The following RASSF8 variants were observed in gnomAD, a reference collection of about 807,000 sequenced individuals.
RASSF8 encodes ras association domain-containing protein 8.
RASSF8 carries 22 observed loss-of-function variants against 48.5 expected under a neutral mutation model. The observed-to-expected ratio is 0.45, with a 90% CI of 0.32 to 0.65. The LOEUF is 0.65. RASSF8 is among the 30% of genes least tolerant of loss of function. RASSF8 has a pLI of 0.03. For synonymous variants in RASSF8, 127 were observed against 171.5 expected, an observed-to-expected ratio of 0.74 and a Z score of 2.03; for missense variants, 418 against 489.2, an observed-to-expected ratio of 0.85 and a Z score of 1.37.
chr12:26,029,557 C>G (rs1031808991), intron 2 of RASSF8, among the ~76,000 whole-genome samples: 1 of 152,058 alleles, frequency 6.6e-6, no homozygotes, highest in Non-Finnish European at 1.5e-5. Flanking sequence ...CTTCTGCCAC[C>G]GTGTTTAAAT....
chr12:26,041,093 C>G (rs921244876), intron 2 of RASSF8, among the ~76,000 whole-genome samples: 2 of 151,656 alleles, frequency 1.3e-5, no homozygotes, highest in African/African-American at 4.8e-5. Context: ...GGGGTTTCAC[C>G]TTGTTAGCCA....
intron 1 of RASSF8, among the ~76,000 whole-genome samples, chr12:25,981,114 T>A (rs577298759): frequency 1.3e-5 from 2 of 152,158 alleles, no homozygotes; most frequent in Admixed American, 6.5e-5. Context: ...TCTGGCATAA[T>A]AACAGGACCT....
rs760896840 is a variant in RASSF8 at position 26,056,055 on chromosome 12, C to T, written c.103+609C>T. Among the ~76,000 whole-genome samples, 10 of 152,090 alleles carry T rather than the reference C, an allele frequency of 6.6e-5. No homozygotes were observed. The South Asian group carries it at 1.0e-3, about 16-fold the overall frequency. ...CAAAAATTAGCCGGGCGTGGTGGTG[C>T]GCACCTGTAATCCCAGCTACTATGG... On this transcript the variant is annotated intron_variant, in intron 3 of 5. Coordinates refer to ENST00000689635, the MANE Select transcript of RASSF8 (RefSeq NM_001394098.1).
chr12:26,073,060 C>T (rs951261821), downstream of RASSF8, among the ~76,000 whole-genome samples: 3 of 152,158 alleles, frequency 2.0e-5, no homozygotes, highest in Non-Finnish European at 4.4e-5. Context: ...AACTACTATG[C>T]CTTTTATTTC....
At chr12:26,026,750 T>A (rs1277075047) in intron 2 of RASSF8, among the ~76,000 whole-genome samples, 2 of 152,010 alleles carry the variant, frequency 1.3e-5, no homozygotes, top group African/African-American at 4.8e-5. Flanking sequence ...TAATAAGGAG[T>A]GTGAGTGAGA....
intron 1 of RASSF8, among the ~76,000 whole-genome samples, chr12:25,960,214 T>G (rs1223299945): frequency 1.3e-5 from 2 of 152,230 alleles, no homozygotes; most frequent in Non-Finnish European, 2.9e-5. Flanking sequence ...CTCATTCTGG[T>G]AGGGGGCCCC....
chr12:26,035,646 A>G (rs1031958649), intron 2 of RASSF8, among the ~76,000 whole-genome samples: 4 of 144,304 alleles, frequency 2.8e-5, no homozygotes, highest in Middle Eastern at 3.6e-3. Context: ...TCACCTTTTC[A>G]GTATTTTCTG....
intron 2 of RASSF8, among the ~76,000 whole-genome samples, chr12:26,050,233 T>A (rs953472871): frequency 6.6e-6 from 1 of 152,254 alleles, no homozygotes; most frequent in Non-Finnish European, 1.5e-5. Flanking sequence ...GTGCTGCTGC[T>A]CTAGGTATGT....
intron 2 of RASSF8, among the ~76,000 whole-genome samples, chr12:25,997,595 G>A (rs1012663659): frequency 6.6e-6 from 1 of 152,094 alleles, no homozygotes; most frequent in African/African-American, 2.4e-5. Context: ...CTTGTAACGA[G>A]GTGTTTATTG....
chr12:26,077,774 C>G (rs1023670378), downstream of RASSF8, among the ~76,000 whole-genome samples: 5 of 152,170 alleles, frequency 3.3e-5, no homozygotes, highest in Non-Finnish European at 7.3e-5. Context: ...GGAACTTCAT[C>G]TTACTGAATC....
intron 5 of RASSF8, among the ~76,000 whole-genome samples, chr12:26,078,485 A>G (rs1049153928): frequency 2.0e-5 from 3 of 152,216 alleles, no homozygotes; most frequent in African/African-American, 7.2e-5. Flanking sequence ...GTTTGTAAGC[A>G]ACAGATTTGG....
chr12:26,047,943 A>G (rs761482873), intron 2 of RASSF8, among the ~76,000 whole-genome samples: 4 of 152,172 alleles, frequency 2.6e-5, no homozygotes, highest in Non-Finnish European at 4.4e-5. Flanking sequence ...GTAGCATTCT[A>G]TTTTGGGTAA....
chr12:26,060,838 C>G (rs1049593755), intron 3 of RASSF8, among the ~76,000 whole-genome samples: 1 of 152,172 alleles, frequency 6.6e-6, no homozygotes, highest in Non-Finnish European at 1.5e-5. Context: ...GTGTTACTGA[C>G]ATTATTTCTC....
intron 2 of RASSF8, among the ~76,000 whole-genome samples, chr12:26,043,034 A>G (rs1340189604): frequency 6.6e-6 from 1 of 152,138 alleles, no homozygotes; most frequent in Non-Finnish European, 1.5e-5. Flanking sequence ...TCCGTCCTGT[A>G]CAATTAGTGC....
chr12:26,074,972 GA>G (rs1944059493), downstream of RASSF8, among the ~76,000 whole-genome samples: 1 of 152,156 alleles, frequency 6.6e-6, no homozygotes, highest in African/African-American at 2.4e-5. Context: ...AGCATGTTAG[GA>G]AGATAATTCT....
chr12:25,984,273 C>A (rs1054138824), intron 1 of RASSF8, among the ~76,000 whole-genome samples: 1 of 110,172 alleles, frequency 9.1e-6, no homozygotes, highest in Non-Finnish European at 1.7e-5. Context: ...GAGATGGGGT[C>A]TTGTTATGTT....
intron 2 of RASSF8, among the ~76,000 whole-genome samples, chr12:26,049,814 C>T (rs534014201): frequency 2.0e-5 from 3 of 152,278 alleles, no homozygotes; most frequent in Admixed American, 6.5e-5. Context: ...GACGGAGTCT[C>T]GCTCTGTCAC....
chr12:25,997,342 T>C (rs905689625), intron 2 of RASSF8, among the ~76,000 whole-genome samples: 2 of 152,176 alleles, frequency 1.3e-5, no homozygotes, highest in Non-Finnish European at 2.9e-5. Context: ...AGTTCAAAAC[T>C]GCCTTCCAAG....
rs1427627765 is a variant in RASSF8 at position 25,958,767 on chromosome 12, CGCGCCCCGCTCA to C, written c.-580_-569del. Among the ~76,000 whole-genome samples the C allele has an allele frequency of 2.0e-5, 3 of 146,982 alleles. No homozygotes were observed. ...CCCGCGCTCGTCCGGCGCCCCGCGC[CGCGCCCCGCTCA>C]GCGTCTGCCGCCCAGCTCCTCGCCC... On this transcript the variant is annotated 5_prime_UTR_variant, in exon 1 of 6. Transcript: ENST00000689635.
Sources: gnomAD v4.1 joint callset for allele counts (sites outside exome capture counted in the v4.1 genomes callset) on GRCh38, gnomAD v4.1.1 for gene constraint, MANE v1.5 for transcripts, NCBI Gene and HGNC (gene_info 2026-07-23, HGNC 2026-07-21) for gene names.